Variants in KPNA3 observed in about 807,000 individuals in gnomAD.
KPNA3 encodes the protein importin subunit alpha-4.
KPNA3 carries 13 observed loss-of-function variants against 73.8 expected under a neutral mutation model. The ratio of observed to expected loss-of-function variants is 0.18; its 90% CI spans 0.11 to 0.28. KPNA3 has a LOEUF of 0.28. KPNA3 is among the 10% of genes least tolerant of loss of function. KPNA3 has a pLI of 1.00. For missense variants in KPNA3, 360 were observed against 618.1 expected (o/e 0.58, Z 4.43); for synonymous variants, 186 against 206.9 (o/e 0.90, Z 0.87).
Position 49,705,610 on chromosome 13 carries a change from T to C in KPNA3, c.1372+11A>G. Reference sequence around the variant, plus strand: ...TGCTCAAATACTCTTCTTCCATCAATCCACTCTTACCTCCACATTCCTCTA... The same window carrying C: ...TGCTCAAATACTCTTCTTCCATCAACCCACTCTTACCTCCACATTCCTCTA... On this transcript the variant is annotated intron_variant, in intron 15 of 16. Transcript: ENST00000261667. The C allele has an allele frequency of 6.2e-7, 1 of 1,610,906 alleles. No individual in the cohort carries two copies. Among genetic ancestry groups the C allele is most frequent in the South Asian group, 1.1e-5 (1 of 90,552 alleles).
chr13:49,734,954 T>TAGAG (rs10675449), intron 2 of KPNA3, among the ~76,000 whole-genome samples: 16,367 of 145,750 alleles, frequency 0.11, 1,085 homozygotes, highest in South Asian at 0.21. Flanking sequence ...GAGAGATAGA[T>TAGAG]AGAGAGAGAG....
intron 2 of KPNA3, among the ~76,000 whole-genome samples, chr13:49,740,966 A>C (rs1423848605): frequency 6.6e-6 from 1 of 152,194 alleles, no homozygotes; most frequent in East Asian, 1.9e-4. Flanking sequence ...ACGTTGTTGC[A>C]AAAGAGAGGG....
chr13:49,760,124 G>T (rs1594453712), intron 1 of KPNA3, among the ~76,000 whole-genome samples: 2 of 152,266 alleles, frequency 1.3e-5, no homozygotes, highest in Admixed American at 6.5e-5. Flanking sequence ...CAAGTGACAT[G>T]ATAAGATGTA....
At chr13:49,789,375 A>G (rs1010939074) in intron 1 of KPNA3, among the ~76,000 whole-genome samples, 1 of 152,150 alleles carries the variant, frequency 6.6e-6, no homozygotes, top group Non-Finnish European at 1.5e-5. Context: ...GATCTCTTAA[A>G]GTCTCTCTCG....
intron 1 of KPNA3, among the ~76,000 whole-genome samples, chr13:49,774,175 G>C (rs1434794587): frequency 6.6e-6 from 1 of 152,022 alleles, no homozygotes; most frequent in Non-Finnish European, 1.5e-5. Context: ...AAAGTGCTAG[G>C]ATTACAGGTG....
chr13:49,745,803 C>A (rs1316960126), intron 2 of KPNA3, among the ~76,000 whole-genome samples: 1 of 151,966 alleles, frequency 6.6e-6, no homozygotes, highest in African/African-American at 2.4e-5. Flanking sequence ...GTGGCTCACG[C>A]CTGTAATCCC....
intron 2 of KPNA3, among the ~76,000 whole-genome samples, chr13:49,738,511 T>C (rs939704525): frequency 6.6e-6 from 1 of 152,234 alleles, no homozygotes; most frequent in Non-Finnish European, 1.5e-5. Flanking sequence ...TCCATTTACT[T>C]GTCTTGTTTC....
intron 15 of KPNA3, 113 bp downstream of exon 15, chr13:49,705,508 T>C (rs961442553): frequency 4.2e-5 from 45 of 1,066,624 alleles, no homozygotes; most frequent in Non-Finnish European, 6.0e-5. Context: ...CATACTGTGA[T>C]CATTTAAAAA....
chr13:49,724,294 G>T (rs1042664151), intron 7 of KPNA3, among the ~76,000 whole-genome samples: 1 of 151,692 alleles, frequency 6.6e-6, no homozygotes. Context: ...GAACTGCTGG[G>T]TCACATGATA....
chr13:49,737,592 TG>T, intron 2 of KPNA3, among the ~76,000 whole-genome samples: 1 of 147,968 alleles, frequency 6.8e-6, no homozygotes, highest in Non-Finnish European at 1.5e-5. Flanking sequence ...TGTGTGTGTG[TG>T]TGTGTGTGTG....
intron 1 of KPNA3, among the ~76,000 whole-genome samples, chr13:49,751,945 A>G (rs1157769716): frequency 1.3e-5 from 2 of 152,154 alleles, no homozygotes; most frequent in African/African-American, 4.8e-5. Context: ...TTGGGAGACA[A>G]AGTATTCTAA....
intron 7 of KPNA3, among the ~76,000 whole-genome samples, chr13:49,724,942 A>G (rs780643782): frequency 2.6e-4 from 40 of 152,308 alleles, no homozygotes; most frequent in African/African-American, 7.7e-4. Flanking sequence ...ACTTACTGCC[A>G]TATCACATGC....
chr13:49,743,882 T>C (rs1180828526), intron 2 of KPNA3, among the ~76,000 whole-genome samples: 1 of 152,214 alleles, frequency 6.6e-6, no homozygotes, highest in African/African-American at 2.4e-5. Context: ...GGTGTAATGT[T>C]AACAGATGGC....
chr13:49,719,474 G>A (rs1483063487), intron 10 of KPNA3, among the ~76,000 whole-genome samples: 1 of 152,054 alleles, frequency 6.6e-6, no homozygotes, highest in African/African-American at 2.4e-5. Flanking sequence ...TTTTTAAAAA[G>A]TAAGGTGTTT....
At chr13:49,725,014 G>A (rs975054923) in intron 7 of KPNA3, among the ~76,000 whole-genome samples, 9 of 152,252 alleles carry the variant, frequency 5.9e-5, no homozygotes, top group East Asian at 3.9e-4. Flanking sequence ...CTATAATAAC[G>A]TACGTGGTGA....
intron 2 of KPNA3, among the ~76,000 whole-genome samples, chr13:49,738,213 T>C (rs1954542088): frequency 6.6e-6 from 1 of 152,248 alleles, no homozygotes; most frequent in Non-Finnish European, 1.5e-5. Context: ...TTCTGTTCCA[T>C]GGTCTATGTC....
chr13:49,740,821 C>T (rs1442263415), intron 2 of KPNA3, among the ~76,000 whole-genome samples: 1 of 152,162 alleles, frequency 6.6e-6, no homozygotes, highest in Non-Finnish European at 1.5e-5. Flanking sequence ...CCCCCCACCC[C>T]TGGCCCCAGC....
At chr13:49,735,752 T>C (rs1478235254) in intron 2 of KPNA3, among the ~76,000 whole-genome samples, 1 of 152,206 alleles carries the variant, frequency 6.6e-6, no homozygotes, top group Non-Finnish European at 1.5e-5. Flanking sequence ...CACGTATGCA[T>C]GTATCTACCT....
In KPNA3 at chr13:49,790,622, C is replaced by T. The variant is rs115133181; in HGVS notation, c.69+1816G>A. 1.0e-2 allele frequency among the ~76,000 whole-genome samples: 1,519 copies of T among 152,280 alleles called. 27 individuals carry two copies. The highest frequency in any genetic ancestry group is 0.034 in the African/African-American group (1,400 of 41,544). ...ATGTTTTAGTTACACTATAGAATCC[C>T]GAGAAATGTAATGTTGTGACCAATA... On this transcript the variant is annotated intron_variant, in intron 1 of 16. Coordinates refer to ENST00000261667, the MANE Select transcript of KPNA3 (RefSeq NM_002267.4).
Sources: gnomAD v4.1 joint callset for allele counts (sites outside exome capture counted in the v4.1 genomes callset) on GRCh38, gnomAD v4.1.1 for gene constraint, MANE v1.5 for transcripts, NCBI Gene and HGNC (gene_info 2026-07-23, HGNC 2026-07-21) for gene names.